Variants in RNASEH2B observed in about 807,000 individuals in gnomAD.
RNASEH2B encodes Aicardi-Goutieres syndrome 2 protein.
In RNASEH2B, 36 loss-of-function variants were observed where a neutral mutation model predicts 45.0. That is an observed-to-expected ratio of 0.80 (90% CI 0.61 to 1.06). The LOEUF (loss-of-function observed/expected upper bound fraction) is 1.06, where lower values mean the gene tolerates loss of function less well. RNASEH2B is among the 50% of genes least tolerant of loss of function. The pLI, the probability that RNASEH2B is intolerant of heterozygous loss-of-function variation, is 0.00. For missense variants in RNASEH2B, 361 were observed against 360.3 expected, an observed-to-expected ratio of 1.00 and a Z score of -0.02; for synonymous variants, 119 against 125.7, an observed-to-expected ratio of 0.95 and a Z score of 0.35.
intron 5 of RNASEH2B, chr13:50,941,692 A>G (rs1951834803): frequency 1.3e-5 from 2 of 152,210 alleles, no homozygotes; most frequent in African/African-American, 4.8e-5. Flanking sequence ...CGGTTGGGAC[A>G]TGGGCTCCAG....
Position 50,945,479 on chromosome 13 carries a change from G to T in RNASEH2B, c.563G>T (p.Arg188Leu). Residue 188 changes from arginine (R) to leucine (L), a missense_variant, in exon 7 of 11, where the codon CGG (arginine) becomes CTG (leucine). Transcript: ENST00000336617. The stretch of plus-strand genomic sequence containing the variant: ...ACCAATAATGTGAATGTCAGTTCCC[G>T]GGTACAGTCAACTGCATTTTTCTCT... ...LKTNNVNVSS[R>L]VQSTAFFSGD... The T allele has an allele frequency of 1.9e-6, 3 of 1,613,714 alleles. No homozygotes were observed. The South Asian group carries it at 3.3e-5, about 18-fold the overall frequency.
In RNASEH2B at chr13:50,945,505, G is replaced by T. The variant is rs745471919; in HGVS notation, c.589G>T (p.Gly197Cys). The T allele has an allele frequency of 2.2e-5, 35 of 1,613,358 alleles. No homozygotes were observed. The highest frequency in any genetic ancestry group is 2.6e-5 in the Non-Finnish European group (31 of 1,179,368). ...SRVQSTAFFSGDQASTDKEED... is the reference protein window; with the variant it reads ...SRVQSTAFFSCDQASTDKEED... ...GGTACAGTCAACTGCATTTTTCTCT[G>T]GTGACCAAGCTTCCACTGACAAGGA... The change falls in exon 7 of 11, where the codon GGT becomes TGT. Residue 197 changes from glycine to cysteine, a missense_variant. Coordinates refer to ENST00000336617, the MANE Select transcript of RNASEH2B (RefSeq NM_024570.4).
intron 1 of RNASEH2B, among the ~76,000 whole-genome samples, chr13:50,926,224 A>G (rs1372619365): frequency 6.6e-6 from 1 of 152,086 alleles, no homozygotes; most frequent in Non-Finnish European, 1.5e-5. Flanking sequence ...TTAACCATTC[A>G]TGGGTAAGCC....
At chr13:50,970,169 C>CT in exon 10 of RNASEH2B, 1 of 633,988 alleles carries the variant, frequency 1.6e-6, no homozygotes, top group Non-Finnish European at 2.8e-6. Flanking sequence ...GAGCACTCAG[C>CT]TAGGCGGTTC....
At chr13:50,970,131 T>A in exon 10 of RNASEH2B, 3 of 705,570 alleles carry the variant, frequency 4.3e-6, no homozygotes, top group East Asian at 2.7e-5. Flanking sequence ...GTACCACTAG[T>A]CTATGTGGGC....
chr13:50,928,851 TA>T (rs201421465), intron 2 of RNASEH2B, among the ~76,000 whole-genome samples: 31 of 148,916 alleles, frequency 2.1e-4, no homozygotes, highest in Non-Finnish European at 3.3e-4. Flanking sequence ...GTGCTGTGGT[TA>T]AAAAAAAAAT....
At chr13:50,939,323 C>T (rs1298815357) in intron 5 of RNASEH2B, 2 of 148,218 alleles carry the variant, frequency 1.3e-5, no homozygotes, top group Non-Finnish European at 3.0e-5. Flanking sequence ...CGCCACTGCC[C>T]TCCAGCCTGG....
intron 1 of RNASEH2B, chr13:50,911,414 T>G (rs1218390779): frequency 1.3e-5 from 2 of 152,278 alleles, no homozygotes; most frequent in Admixed American, 6.5e-5. Flanking sequence ...ACATTTGGGT[T>G]GTTTCCAGTT....
At chr13:50,968,169 A>G (rs1205197876) in intron 9 of RNASEH2B, among the ~76,000 whole-genome samples, 2 of 152,174 alleles carry the variant, frequency 1.3e-5, no homozygotes, top group Non-Finnish European at 2.9e-5. Context: ...TAATCCCAGT[A>G]CTTTGGGAAG....
At chr13:50,910,223 C>G (rs1243312401) in intron 1 of RNASEH2B, 83 bp downstream of exon 1, 9 of 982,148 alleles carry the variant, frequency 9.2e-6, no homozygotes, top group African/African-American at 6.9e-5. Context: ...CCCCCCACCC[C>G]GGTGGCTCCC....
At chr13:50,970,295 C>A (rs975535752) in exon 10 of RNASEH2B, 31 of 500,762 alleles carry the variant, frequency 6.2e-5, no homozygotes, top group Non-Finnish European at 4.2e-5. Flanking sequence ...ACTTGATTGT[C>A]TTGATTTCAC....
intron 1 of RNASEH2B, among the ~76,000 whole-genome samples, chr13:50,919,598 A>G (rs1951490701): frequency 6.6e-6 from 1 of 152,194 alleles, no homozygotes; most frequent in Admixed American, 6.5e-5. Context: ...TGTTTATATC[A>G]TAGGAGAATA....
chr13:50,917,310 C>G (rs1486268633), intron 1 of RNASEH2B, among the ~76,000 whole-genome samples: 1 of 152,198 alleles, frequency 6.6e-6, no homozygotes, highest in Non-Finnish European at 1.5e-5. Context: ...GGCCAGAAAC[C>G]TCAGCCACTC....
At chr13:50,958,471 C>T (rs1160642940), downstream of RNASEH2B, among the ~76,000 whole-genome samples, 1 of 152,006 alleles carries the variant, frequency 6.6e-6, no homozygotes, top group African/African-American at 2.4e-5. Flanking sequence ...TGTATCAGTA[C>T]TATATTGTCT....
chr13:50,932,431 T>G (rs985053891), intron 4 of RNASEH2B, among the ~76,000 whole-genome samples: 1 of 152,228 alleles, frequency 6.6e-6, no homozygotes, highest in Non-Finnish European at 1.5e-5. Context: ...AAGGATATTC[T>G]TAAGTGAAAC....
At chr13:50,939,653 A>G (rs552840336) in intron 5 of RNASEH2B, among the ~76,000 whole-genome samples, 15 of 152,136 alleles carry the variant, frequency 9.9e-5, no homozygotes, top group Admixed American at 4.6e-4. Context: ...TTTTTTCCAA[A>G]AGTGTGAAGA....
Position 50,963,790 on chromosome 13 carries a change from A to T in RNASEH2B, c.742-6142A>T, listed in dbSNP as rs544517531. On this transcript the variant is annotated intron_variant, in intron 9 of 9. Coordinates refer to the RNASEH2B transcript ENST00000422660. ...ATACTACAAAGATCAAAACCAGAAA[A>T]TTTACCTTATTGTACTTTCACCTAT... Among the ~76,000 whole-genome samples the T allele has an allele frequency of 3.3e-5, 5 of 152,290 alleles. No homozygotes were observed. The East Asian group carries it at 9.6e-4, about 29-fold the overall frequency.
At position 50,935,124 on chromosome 13, in the gene RNASEH2B, A is replaced by G. The variant is rs1951731173; in HGVS notation, c.436+125A>G. On this transcript the variant is annotated intron_variant, in intron 5 of 10. Transcript: ENST00000336617. Reference sequence around the variant, plus strand: ...TCCACCATAGGGAAAACTATCATTCAGATTTGCTAACACTGCCAGCACTGT... The same window carrying G: ...TCCACCATAGGGAAAACTATCATTCGGATTTGCTAACACTGCCAGCACTGT... The G allele has an allele frequency of 5.6e-6, 4 of 710,308 alleles. No homozygotes were observed. The Admixed American group carries it at 8.2e-5, about 15-fold the overall frequency. 44.0% of individuals were successfully genotyped at this position (710,308 alleles called of 1,614,324 possible).
chr13:50,919,870 G>A (rs1351907454), intron 1 of RNASEH2B, among the ~76,000 whole-genome samples: 3 of 152,144 alleles, frequency 2.0e-5, no homozygotes, highest in African/African-American at 2.4e-5. Context: ...CTGGTAGACC[G>A]TAAATGGCCA....
Sources: gnomAD v4.1 joint callset for allele counts (sites outside exome capture counted in the v4.1 genomes callset) on GRCh38, gnomAD v4.1.1 for gene constraint, MANE v1.5 for transcripts, NCBI Gene and HGNC (gene_info 2026-07-23, HGNC 2026-07-21) for gene names.